The following ABCC9 variants were observed in gnomAD, a reference collection of about 807,000 sequenced individuals.
The protein encoded by ABCC9 is ATP binding cassette subfamily C member 9.
In ABCC9, 95 loss-of-function variants were observed where a neutral mutation model predicts 188.3. That is an observed-to-expected ratio of 0.50 (90% CI 0.43 to 0.60). The LOEUF is 0.60. Among genes scored for constraint, ABCC9 ranks in the 20% least tolerant of loss-of-function variants. The pLI is 0.00. For missense variants in ABCC9, 1,102 were observed against 1,876.3 expected (o/e 0.59, Z 7.62); for synonymous variants, 659 against 652.7 (o/e 1.01, Z -0.15).
chr12:21,839,539 A>C (rs1592037310), intron 29 of ABCC9, among the ~76,000 whole-genome samples: 1 of 152,220 alleles, frequency 6.6e-6, no homozygotes, highest in African/African-American at 2.4e-5. Flanking sequence ...ATTTTGATAA[A>C]GATATATTCA....
Position 21,799,278 on chromosome 12 carries a change from A to T in ABCC9, c.*1766T>A, listed in dbSNP as rs955334483. 6 of 151,950 alleles carry T rather than the reference A, an allele frequency of 3.9e-5. No individual in the cohort carries two copies. Among genetic ancestry groups the T allele is most frequent in the Non-Finnish European group, 8.8e-5 (6 of 67,992 alleles). 9.4% of individuals were successfully genotyped at this position (151,950 alleles called of 1,614,324 possible). A position where few individuals can be genotyped will look rare whatever the true frequency, so the allele number is the denominator to read the frequency against. ...AAAAATTAAAAAAAAAAAAGAAAAA[A>T]AAAAGATTACTTCCATGGGTAAAAA... On this transcript the variant is annotated 3_prime_UTR_variant, in exon 40 of 40. Coordinates refer to ENST00000261200, the MANE Select transcript of ABCC9 (RefSeq NM_020297.4).
rs375670824 is a variant in ABCC9, at chr12:21,939,300, C to T, written c.-21+1410G>A. Among the ~76,000 whole-genome samples the T allele has an allele frequency of 1.1e-4, 16 of 152,232 alleles. No homozygotes were observed. The East Asian group carries it at 1.4e-3, about 13-fold the overall frequency. ...CCTCATTTATCCTTTCCCTTTAACC[C>T]GTAGTCTCCTTATCCAACATCCAGA... On this transcript the variant is annotated intron_variant, in intron 2 of 39. Coordinates refer to ENST00000261200, the MANE Select transcript of ABCC9 (RefSeq NM_020297.4).
At chr12:21,845,960 A>C in intron 25 of ABCC9, 128 bp from the exon 26 acceptor site, 6 of 786,532 alleles carry the variant, frequency 7.6e-6, no homozygotes, top group Non-Finnish European at 1.1e-5. Flanking sequence ...TGAAGTTTTA[A>C]ATGCTTTTAG....
chr12:21,857,151 A>G (rs1465247533), intron 22 of ABCC9, among the ~76,000 whole-genome samples: 2 of 152,226 alleles, frequency 1.3e-5, no homozygotes, highest in South Asian at 2.1e-4. Context: ...GACCAAGATC[A>G]TAAGACCCAA....
At chr12:21,822,724 G>A (rs1276200769) in intron 31 of ABCC9, among the ~76,000 whole-genome samples, 1 of 150,240 alleles carries the variant, frequency 6.7e-6, no homozygotes, top group Non-Finnish European at 1.5e-5. Flanking sequence ...CCGGGAGGCA[G>A]AGGTTGCAGT....
At chr12:21,923,996 C>A in intron 5 of ABCC9, 1 of 533,340 alleles carries the variant, frequency 1.9e-6, no homozygotes, top group Non-Finnish European at 3.3e-6. Context: ...GAAAAAGAAG[C>A]CTTACTTAAA....
In ABCC9 at chr12:21,916,825, A is replaced by G. The variant is rs1948618678; in HGVS notation, c.573+112T>C. ...GTTCAACTTTATATTTATATATATA[A>G]ATCAAATACATGTGTTCATCCTTGT... On this transcript the variant is annotated intron_variant, in intron 6 of 39. Transcript: ENST00000261200. The G allele has an allele frequency of 3.2e-6, 3 of 931,850 alleles. No individual in the cohort carries two copies. The Admixed American group carries it at 8.0e-5, about 25-fold the overall frequency. The allele number at this position is 931,850 out of a possible 1,614,324, so 57.7% of individuals were successfully genotyped here.
At chr12:21,923,841 T>C (rs1156933509) in intron 5 of ABCC9, 2 of 700,532 alleles carry the variant, frequency 2.9e-6, no homozygotes, top group Non-Finnish European at 5.2e-6. Flanking sequence ...GCTTTTACTC[T>C]CATGATGGCT....
At chr12:21,927,804 C>T (rs567937421) in intron 4 of ABCC9, among the ~76,000 whole-genome samples, 15 of 152,010 alleles carry the variant, frequency 9.9e-5, no homozygotes, top group Non-Finnish European at 1.9e-4. Context: ...AGTATGGTAG[C>T]GCTTAAAAAC....
Position 21,801,194 on chromosome 12 carries a change from A to G in ABCC9, c.4513-13T>C. The G allele has an allele frequency of 4.3e-6, 7 of 1,613,726 alleles. No individual in the cohort carries two copies. The highest frequency in any genetic ancestry group is 5.9e-6 in the Non-Finnish European group (7 of 1,179,862). ...TGTGTACTCGATGCTGTGAGTGAAA[A>G]GAAAACATGTATTTGTTACACATTT... On this transcript the variant is annotated splice_polypyrimidine_tract_variant and intron_variant, in intron 39 of 39. Transcript: ENST00000261200.
chr12:21,829,287 C>T lies in ABCC9; in HGVS notation c.3567-227G>A, dbSNP rs567887084. ...CGCGATCTCGGCTCACTGCAAGCTCCGCCTCCCGGGCTCACACCATTCTTC... is the reference window on the plus strand; with the variant it reads ...CGCGATCTCGGCTCACTGCAAGCTCTGCCTCCCGGGCTCACACCATTCTTC... On this transcript the variant is annotated intron_variant, in intron 30 of 39. Coordinates refer to ENST00000261200, the MANE Select transcript of ABCC9 (RefSeq NM_020297.4). Among the ~76,000 whole-genome samples, 24 of 148,392 alleles carry T rather than the reference C, an allele frequency of 1.6e-4. No individual in the cohort carries two copies. The South Asian group carries it at 2.1e-3, about 13-fold the overall frequency.
chr12:21,817,152 T>C lies in ABCC9; in HGVS notation c.3892+35A>G, dbSNP rs146661835. The C allele has an allele frequency of 1.3e-4, 214 of 1,605,924 alleles. No individual in the cohort carries two copies. The African/African-American group carries it at 2.7e-3, about 20-fold the overall frequency. The stretch of plus-strand genomic sequence containing the variant: ...AACACTAATATTTGTTTAAAATAAA[T>C]ATTTAAGTGAGACAAACAATATTTA... On this transcript the variant is annotated intron_variant, in intron 33 of 39. Coordinates refer to ENST00000261200, the MANE Select transcript of ABCC9 (RefSeq NM_020297.4).
intron 14 of ABCC9, among the ~76,000 whole-genome samples, chr12:21,891,300 A>G (rs1947149879): frequency 6.6e-6 from 1 of 152,232 alleles, no homozygotes; most frequent in South Asian, 2.1e-4. Flanking sequence ...TTTGTAACAT[A>G]CAAAGTGGAG....
intron 9 of ABCC9, among the ~76,000 whole-genome samples, 168 bp from the exon 10 acceptor site, chr12:21,910,480 A>C (rs913867947): frequency 6.6e-6 from 1 of 151,974 alleles, no homozygotes; most frequent in Non-Finnish European, 1.5e-5. Flanking sequence ...TTTCTACTTC[A>C]GTATAGTTAT....
intron 23 of ABCC9, 27 bp from the exon 24 acceptor site, chr12:21,852,249 T>C (rs2137441934): frequency 6.2e-7 from 1 of 1,613,728 alleles, no homozygotes; most frequent in East Asian, 2.2e-5. Flanking sequence ...TTCCCAGAAA[T>C]GTGACGAAAA....
chr12:21,893,921 T>C (rs1370218288), intron 14 of ABCC9, 111 bp downstream of exon 14: 1 of 1,069,154 alleles, frequency 9.4e-7, no homozygotes, highest in African/African-American at 1.6e-5. Flanking sequence ...ACAATGGTTG[T>C]CTCCTGGCAG....
At chr12:21,923,876 C>T (rs1268296926) in intron 5 of ABCC9, 1 of 693,114 alleles carries the variant, frequency 1.4e-6, no homozygotes, top group Admixed American at 2.1e-5. Flanking sequence ...GTACAGATGT[C>T]TATTAACAAG....
At chr12:21,837,491 C>T (rs917944628) in intron 30 of ABCC9, among the ~76,000 whole-genome samples, 1 of 152,136 alleles carries the variant, frequency 6.6e-6, no homozygotes, top group Non-Finnish European at 1.5e-5. Context: ...ATATCATCTT[C>T]TTTGCTAATC....
chr12:21,933,930 AAG>A lies in ABCC9; in HGVS notation c.143-9_143-8del, dbSNP rs777987930. 6 of 1,613,446 alleles carry A rather than the reference AAG, an allele frequency of 3.7e-6. No homozygotes were observed. In the South Asian group the frequency reaches 5.5e-5, roughly 15 times the overall value. On this transcript the variant is annotated splice_region_variant and splice_polypyrimidine_tract_variant and intron_variant, in intron 3 of 39. Coordinates refer to ENST00000261200, the MANE Select transcript of ABCC9 (RefSeq NM_020297.4). Reference sequence around the variant, plus strand: ...GAGCTTTGGCTCCCCCACCCTGGAAAAGAGAGAAAAGTTAAAAACAAAAAGAC... The same window carrying A: ...GAGCTTTGGCTCCCCCACCCTGGAAAAGAGAAAAGTTAAAAACAAAAAGAC...
Sources: gnomAD v4.1 joint callset for allele counts (sites outside exome capture counted in the v4.1 genomes callset) on GRCh38, gnomAD v4.1.1 for gene constraint, MANE v1.5 for transcripts, NCBI Gene and HGNC (gene_info 2026-07-23, HGNC 2026-07-21) for gene names.